The following CCSER1 variants were observed in gnomAD, a reference collection of about 807,000 sequenced individuals.
CCSER1 encodes the protein serine-rich coiled-coil domain-containing protein 1.
Under a neutral mutation model 82.0 loss-of-function variants are expected in CCSER1, and 41 were observed. That is an observed-to-expected ratio of 0.50 (90% CI 0.39 to 0.65). CCSER1 has a LOEUF of 0.65. Among genes scored for constraint, CCSER1 ranks in the 30% least tolerant of loss-of-function variants. The pLI is 0.00. For synonymous variants in CCSER1, 414 were observed against 383.9 expected (o/e 1.08, Z -0.92); for missense variants, 1,119 against 1,064.2 (o/e 1.05, Z -0.72).
intron 1 of CCSER1, among the ~76,000 whole-genome samples, chr4:90,223,463 A>C (rs772760465): frequency 1.3e-5 from 2 of 152,222 alleles, no homozygotes; most frequent in Non-Finnish European, 2.9e-5. Context: ...ATGAACAAGA[A>C]GTATGTGACT....
intron 9 of CCSER1, among the ~76,000 whole-genome samples, chr4:91,027,035 T>C (rs182576067): frequency 2.0e-5 from 3 of 152,204 alleles, no homozygotes; most frequent in Non-Finnish European, 1.5e-5. Flanking sequence ...GATTATTTTC[T>C]CTTCATGTTA....
At chr4:90,606,190 A>T (rs13139903) in intron 5 of CCSER1, among the ~76,000 whole-genome samples, 19,277 of 139,416 alleles carry the variant, frequency 0.14, 1,522 homozygotes, top group African/African-American at 0.27. Context: ...CTTCCTTGCC[A>T]TGGGGAGAGT....
chr4:90,313,122 T>C, intron 3 of CCSER1, 75 bp downstream of exon 3: 1 of 1,196,228 alleles, frequency 8.4e-7, no homozygotes, highest in Non-Finnish European at 1.2e-6. Context: ...TCTTGCAAAA[T>C]GAACACAGAC....
chr4:90,658,403 G>A lies in CCSER1; in HGVS notation c.1932+30171G>A, dbSNP rs73833746. 7.3e-3 allele frequency among the ~76,000 whole-genome samples: 1,110 copies of A among 152,278 alleles called. 13 individuals carry two copies. Among genetic ancestry groups the A allele is most frequent in the African/African-American group, 0.026 (1,064 of 41,546 alleles). ...TGGGAACCTAGTGGGATTACCAATG[G>A]AAAGAAAACCAGGAGTTTCCCCAGG... On this transcript the variant is annotated intron_variant, in intron 6 of 10. Coordinates refer to ENST00000509176, the MANE Select transcript of CCSER1 (RefSeq NM_001145065.2).
chr4:90,520,402 C>G (rs984967235), intron 5 of CCSER1, among the ~76,000 whole-genome samples: 1 of 151,990 alleles, frequency 6.6e-6, no homozygotes, highest in Non-Finnish European at 1.5e-5. Context: ...CTGCTGTCAC[C>G]TGAAAATGGT....
chr4:90,782,681 C>CTTTTTTTTTTT (rs200701722), intron 7 of CCSER1, among the ~76,000 whole-genome samples: 19 of 123,970 alleles, frequency 1.5e-4, no homozygotes, highest in African/African-American at 4.8e-4. Flanking sequence ...TCTTTTCTTT[C>CTTTTTTTTTTT]TTTCTTTTTT....
At chr4:90,834,598 TATA>T (rs1761550515) in intron 8 of CCSER1, among the ~76,000 whole-genome samples, 1 of 152,224 alleles carries the variant, frequency 6.6e-6, no homozygotes, top group Admixed American at 6.5e-5. Context: ...TATTAAATCT[TATA>T]GTATCAAATA....
At chr4:91,121,965 AG>A (rs1727130278) in intron 10 of CCSER1, among the ~76,000 whole-genome samples, 2 of 151,682 alleles carry the variant, frequency 1.3e-5, no homozygotes, top group African/African-American at 2.4e-5. Flanking sequence ...ACATATAAAA[AG>A]TCATTTTGGG....
rs763527271 is a variant in CCSER1, at chr4:90,723,984, C to T, written c.2003C>T (p.Pro668Leu). 2.6e-6 allele frequency: 4 copies of T among 1,559,490 alleles called. No individual in the cohort carries two copies. Among genetic ancestry groups the T allele is most frequent in the Admixed American group, 1.8e-5 (1 of 54,992 alleles). The change falls in exon 7 of 11, where the codon CCT becomes CTT. Residue 668 changes from proline to leucine, a missense_variant. Transcript: ENST00000509176. ...PVSPLTEEPVPFKDIMKDECS... is the reference protein window; with the variant it reads ...PVSPLTEEPVLFKDIMKDECS... Reference sequence around the variant, plus strand: ...AGTCCTCTTACTGAAGAGCCAGTGCCTTTCAAGGTAAAAAACAAACAAGAA... The same window carrying T: ...AGTCCTCTTACTGAAGAGCCAGTGCTTTTCAAGGTAAAAAACAAACAAGAA...
At chr4:91,257,770 C>A (rs979700031) in intron 10 of CCSER1, among the ~76,000 whole-genome samples, 1 of 152,010 alleles carries the variant, frequency 6.6e-6, no homozygotes, top group Admixed American at 6.6e-5. Context: ...GTATTAAATG[C>A]CCTCTGTGGA....
Position 91,153,444 on chromosome 4 carries a change from ATGGG to A in CCSER1, c.2217+67452_2217+67455del, listed in dbSNP as rs533672305. On this transcript the variant is annotated intron_variant, in intron 10 of 10. Transcript: ENST00000509176. The stretch of plus-strand genomic sequence containing the variant: ...TTTCAATGTTTTTAGCTTCTTTGCA[ATGGG>A]TTCAGACATCTTCCTTTAGCTTAGA... Among the ~76,000 whole-genome samples, 54 of 151,980 alleles carry A rather than the reference ATGGG, an allele frequency of 3.6e-4. 1 individual carries two copies. The South Asian group carries it at 0.011, about 31-fold the overall frequency.
In CCSER1 at chr4:91,601,954, CT is replaced by C. The variant is rs1764834129; in HGVS notation, c.*2898del. On this transcript the variant is annotated 3_prime_UTR_variant, in exon 11 of 11. Coordinates refer to ENST00000509176, the MANE Select transcript of CCSER1 (RefSeq NM_001145065.2). ...TGATTTTTTTCCATAAAATTATATG[CT>C]AAGAGAGTCACCACAAAACTATGAA... 1 of 151,852 alleles carries C rather than the reference CT, an allele frequency of 6.6e-6. No homozygotes were observed. Among genetic ancestry groups the C allele is most frequent in the Non-Finnish European group, 1.5e-5 (1 of 67,916 alleles). 9.4% of individuals were successfully genotyped at this position (151,852 alleles called of 1,614,324 possible).
At chr4:91,208,936 G>A (rs1376894391) in intron 10 of CCSER1, among the ~76,000 whole-genome samples, 1 of 151,816 alleles carries the variant, frequency 6.6e-6, no homozygotes, top group Non-Finnish European at 1.5e-5. Context: ...CCCCTTCCTA[G>A]TTTGCTGTAT....
intron 3 of CCSER1, among the ~76,000 whole-genome samples, chr4:90,392,611 A>T (rs1234371185): frequency 6.6e-6 from 1 of 152,178 alleles, no homozygotes; most frequent in East Asian, 1.9e-4. Context: ...ACATCATATT[A>T]TAATAAGGAA....
intron 10 of CCSER1, among the ~76,000 whole-genome samples, chr4:91,418,547 T>G (rs1224101963): frequency 6.6e-6 from 1 of 151,888 alleles, no homozygotes. Context: ...AAATCTGAAC[T>G]GATCAATAAT....
intron 6 of CCSER1, among the ~76,000 whole-genome samples, chr4:90,710,694 T>C (rs1251657044): frequency 6.6e-6 from 1 of 152,182 alleles, no homozygotes; most frequent in African/African-American, 2.4e-5. Flanking sequence ...TCTATGTGTC[T>C]GTTCTTGTAT....
chr4:90,546,623 T>G (rs923585535), intron 5 of CCSER1, among the ~76,000 whole-genome samples: 1 of 152,148 alleles, frequency 6.6e-6, no homozygotes, highest in African/African-American at 2.4e-5. Context: ...TGACAAAATT[T>G]AAGTCACATT....
chr4:90,483,585 C>T (rs192393389), intron 5 of CCSER1, among the ~76,000 whole-genome samples: 9 of 152,292 alleles, frequency 5.9e-5, no homozygotes, highest in Admixed American at 4.6e-4. Flanking sequence ...CAGAATCTCT[C>T]AGCATTTGCT....
intron 10 of CCSER1, among the ~76,000 whole-genome samples, chr4:91,374,175 G>T (rs1560621014): frequency 6.6e-6 from 1 of 152,148 alleles, no homozygotes; most frequent in South Asian, 2.1e-4. Flanking sequence ...ATGTAGCTAA[G>T]ATTATTTTGA....
Sources: gnomAD v4.1 joint callset for allele counts (sites outside exome capture counted in the v4.1 genomes callset) on GRCh38, gnomAD v4.1.1 for gene constraint, MANE v1.5 for transcripts, NCBI Gene and HGNC (gene_info 2026-07-23, HGNC 2026-07-21) for gene names.